Variants in PLPPR1 observed in about 807,000 individuals in gnomAD.
PLPPR1 encodes the protein phospholipid phosphatase related 1, also known as phospholipid phosphatase-related protein type 1.
Under a neutral mutation model 33.1 loss-of-function variants are expected in PLPPR1, and 10 were observed. The ratio of observed to expected loss-of-function variants is 0.30; its 90% CI spans 0.19 to 0.51. The LOEUF (loss-of-function observed/expected upper bound fraction) is 0.51. Among genes scored for constraint, PLPPR1 ranks in the 20% least tolerant of loss-of-function variants. The pLI is 0.97. For synonymous variants in PLPPR1, 151 were observed against 151.0 expected (o/e 1.00, Z 0.00); for missense variants, 304 against 408.1 (o/e 0.74, Z 2.20).
chr9:101,261,699 A>C (rs1564019853), intron 2 of PLPPR1, among the ~76,000 whole-genome samples: 1 of 152,316 alleles, frequency 6.6e-6, no homozygotes, highest in South Asian at 2.1e-4. Flanking sequence ...CTTCGCCGGA[A>C]CATGGATAGA....
At chr9:101,236,900 C>A (rs1489159763) in intron 2 of PLPPR1, among the ~76,000 whole-genome samples, 2 of 151,604 alleles carry the variant, frequency 1.3e-5, no homozygotes, top group African/African-American at 2.4e-5. Flanking sequence ...AAGCAAACAA[C>A]CTATAGAATG....
At chr9:101,030,928 G>A (rs945970178) in intron 1 of PLPPR1, among the ~76,000 whole-genome samples, 1 of 149,976 alleles carries the variant, frequency 6.7e-6, no homozygotes, top group African/African-American at 2.4e-5. Context: ...AAGGTGAAAA[G>A]CTTTTTTAAG....
At chr9:101,066,192 TG>T (rs1319421413) in intron 1 of PLPPR1, among the ~76,000 whole-genome samples, 5 of 152,194 alleles carry the variant, frequency 3.3e-5, no homozygotes, top group African/African-American at 1.2e-4. Context: ...AATTTGGGTT[TG>T]TCTGATATTT....
chr9:101,267,660 A>G (rs116849279), intron 2 of PLPPR1, among the ~76,000 whole-genome samples: 2,639 of 152,350 alleles, frequency 0.017, 31 homozygotes, highest in Middle Eastern at 0.082. Flanking sequence ...AAAGGTAGCA[A>G]TGGATGTAGC....
chr9:101,195,954 T>A (rs184178876), intron 2 of PLPPR1, among the ~76,000 whole-genome samples: 24 of 152,362 alleles, frequency 1.6e-4, no homozygotes, highest in Admixed American at 7.8e-4. Flanking sequence ...TGGCAGACTC[T>A]GAAGTGAACA....
intron 1 of PLPPR1, among the ~76,000 whole-genome samples, chr9:101,145,232 T>A (rs956580782): frequency 1.3e-5 from 2 of 152,126 alleles, no homozygotes; most frequent in African/African-American, 4.8e-5. Flanking sequence ...AGCAATGTAT[T>A]ATATACTTGA....
intron 2 of PLPPR1, among the ~76,000 whole-genome samples, chr9:101,199,375 T>C (rs1826453182): frequency 6.6e-6 from 1 of 152,202 alleles, no homozygotes; most frequent in African/African-American, 2.4e-5. Context: ...CTTGAAAATA[T>C]TTTCCCAAGA....
chr9:101,043,399 A>G (rs1830106510), intron 1 of PLPPR1, among the ~76,000 whole-genome samples: 1 of 151,498 alleles, frequency 6.6e-6, no homozygotes, highest in South Asian at 2.1e-4. Context: ...ATACACATAT[A>G]TACATATGTA....
chr9:101,187,827 T>G (rs1275465536), intron 2 of PLPPR1: 1 of 152,016 alleles, frequency 6.6e-6, no homozygotes, highest in East Asian at 1.9e-4. Flanking sequence ...TCATATTTGC[T>G]TCAAATATTT....
intron 1 of PLPPR1, among the ~76,000 whole-genome samples, chr9:101,074,988 C>T (rs1161008987): frequency 6.6e-6 from 1 of 152,158 alleles, no homozygotes; most frequent in East Asian, 1.9e-4. Flanking sequence ...TTGAACCAAA[C>T]ATTAAGCATC....
intron 1 of PLPPR1, among the ~76,000 whole-genome samples, chr9:101,176,754 C>T (rs1009396989): frequency 5.2e-4 from 79 of 152,288 alleles, no homozygotes; most frequent in African/African-American, 1.9e-3. Context: ...AGGGGAGTTA[C>T]AGTACAGCAC....
chr9:101,080,256 A>T (rs186291141), intron 1 of PLPPR1, among the ~76,000 whole-genome samples: 1 of 152,220 alleles, frequency 6.6e-6, no homozygotes, highest in Non-Finnish European at 1.5e-5. Flanking sequence ...AGAACTTCTG[A>T]TATGGCTGGG....
chr9:101,294,324 A>G (rs1308923191), intron 4 of PLPPR1, among the ~76,000 whole-genome samples: 1 of 151,914 alleles, frequency 6.6e-6, no homozygotes, highest in Non-Finnish European at 1.5e-5. Flanking sequence ...CTTACCAACC[A>G]AAAAGAGTCC....
At chr9:101,184,069 A>G (rs1245199384) in intron 1 of PLPPR1, among the ~76,000 whole-genome samples, 1 of 151,780 alleles carries the variant, frequency 6.6e-6, no homozygotes, top group East Asian at 1.9e-4. Flanking sequence ...TTTTAAAATG[A>G]TGGTTATCCA....
intron 2 of PLPPR1, among the ~76,000 whole-genome samples, chr9:101,229,610 G>A (rs931709398): frequency 6.6e-6 from 1 of 151,898 alleles, no homozygotes; most frequent in African/African-American, 2.4e-5. Context: ...ATAAAAAAGG[G>A]CATTTAAAAT....
intron 2 of PLPPR1, among the ~76,000 whole-genome samples, chr9:101,268,369 G>T (rs993347690): frequency 6.6e-6 from 1 of 152,134 alleles, no homozygotes; most frequent in Non-Finnish European, 1.5e-5. Flanking sequence ...AGGCTGTGCT[G>T]GTTCCAGAGA....
chr9:101,232,528 A>C (rs147071375), intron 2 of PLPPR1, among the ~76,000 whole-genome samples: 2 of 151,866 alleles, frequency 1.3e-5, no homozygotes, highest in African/African-American at 4.8e-5. Context: ...AATTGGGGTT[A>C]AAGAGTAACA....
intron 1 of PLPPR1, among the ~76,000 whole-genome samples, chr9:101,059,631 T>C (rs1158632890): frequency 6.6e-6 from 1 of 151,958 alleles, no homozygotes; most frequent in African/African-American, 2.4e-5. Context: ...AAACCACAAA[T>C]AATCAAATTA....
At position 101,057,409 on chromosome 9, in the gene PLPPR1, T is replaced by C. The variant is rs76461917; in HGVS notation, c.-46+28307T>C. The stretch of plus-strand genomic sequence containing the variant: ...TATGATCAGAAAAGTGGATTATTTC[T>C]CTAAAATGAATAAGCCAGTATCTGC... On this transcript the variant is annotated intron_variant, in intron 1 of 7. Transcript: ENST00000374874. Among the ~76,000 whole-genome samples, 2,495 of 152,298 alleles carry C rather than the reference T, an allele frequency of 0.016. 136 individuals carry two copies. The South Asian group carries it at 0.19, about 12-fold the overall frequency.
Sources: gnomAD v4.1 joint callset for allele counts (sites outside exome capture counted in the v4.1 genomes callset) on GRCh38, gnomAD v4.1.1 for gene constraint, MANE v1.5 for transcripts, NCBI Gene and HGNC (gene_info 2026-07-23, HGNC 2026-07-21) for gene names.